The following SYT2 variants were observed in gnomAD, a reference collection of about 807,000 sequenced individuals.
SYT2 encodes synaptotagmin 2.
Under a neutral mutation model 39.9 loss-of-function variants are expected in SYT2, and 15 were observed. The observed-to-expected ratio is 0.38, with a 90% CI of 0.25 to 0.58. SYT2 has a LOEUF of 0.58. Among genes scored for constraint, SYT2 ranks in the 20% least tolerant of loss-of-function variants. SYT2 has a pLI of 0.70. For synonymous variants in SYT2, 181 were observed against 204.5 expected (o/e 0.89, Z 0.98); for missense variants, 389 against 530.3 (o/e 0.73, Z 2.62).
intron 1 of SYT2, among the ~76,000 whole-genome samples, chr1:202,665,269 G>C (rs1692460188): frequency 6.6e-6 from 1 of 152,074 alleles, no homozygotes; most frequent in Non-Finnish European, 1.5e-5. Context: ...CAGAGTCAAA[G>C]GTACTTAGGT....
intron 8 of SYT2, among the ~76,000 whole-genome samples, chr1:202,597,643 G>A (rs976881001): frequency 2.0e-5 from 3 of 152,168 alleles, no homozygotes; most frequent in African/African-American, 2.4e-5. Flanking sequence ...AGCAGTAGGG[G>A]ACTCCTGACG....
intron 1 of SYT2, among the ~76,000 whole-genome samples, chr1:202,639,162 G>C (rs1446265113): frequency 6.6e-6 from 1 of 152,076 alleles, no homozygotes; most frequent in Non-Finnish European, 1.5e-5. Flanking sequence ...TCTGATACCG[G>C]GTCACCTTAT....
At chr1:202,709,189 T>C (rs1050757307) in intron 1 of SYT2, among the ~76,000 whole-genome samples, 1 of 152,170 alleles carries the variant, frequency 6.6e-6, no homozygotes, top group African/African-American at 2.4e-5. Flanking sequence ...CCCACTGCAG[T>C]GGCCCCTCCT....
At chr1:202,600,729 G>A (rs566653846) in intron 6 of SYT2, among the ~76,000 whole-genome samples, 1 of 152,220 alleles carries the variant, frequency 6.6e-6, no homozygotes, top group South Asian at 2.1e-4. Context: ...GACAGATGAG[G>A]GGGGTAGAGG....
chr1:202,677,345 A>G (rs1316842546), intron 1 of SYT2, among the ~76,000 whole-genome samples: 1 of 152,212 alleles, frequency 6.6e-6, no homozygotes, highest in Admixed American at 6.5e-5. Context: ...TGACCAGTAA[A>G]TTATGGCAGA....
At chr1:202,649,367 G>C (rs1692150280) in intron 1 of SYT2, among the ~76,000 whole-genome samples, 1 of 152,228 alleles carries the variant, frequency 6.6e-6, no homozygotes, top group Non-Finnish European at 1.5e-5. Flanking sequence ...GTATTGAGAT[G>C]ATGATATTGA....
intron 1 of SYT2, among the ~76,000 whole-genome samples, chr1:202,641,247 G>T (rs562514402): frequency 6.6e-6 from 1 of 152,082 alleles, no homozygotes; most frequent in South Asian, 2.1e-4. Flanking sequence ...AATTTGTCTC[G>T]ACTCTGGTGA....
Position 202,614,460 on chromosome 1 carries a change from A to ACATT in SYT2, c.-17-8675_-17-8672dup, listed in dbSNP as rs758519228. Among the ~76,000 whole-genome samples the ACATT allele has an allele frequency of 2.4e-4, 36 of 152,358 alleles. No homozygotes were observed. Among genetic ancestry groups the ACATT allele is most frequent in the African/African-American group, 5.8e-4 (24 of 41,590 alleles). ...AGTAGAGAGAACAGATGTGAGAGAC[A>ACATT]CATTCATTCATTCACTCACTCACTC... On this transcript the variant is annotated intron_variant, in intron 1 of 8. Transcript: ENST00000367268. The surrounding 1 kb of genome is among the most constrained non-coding windows in gnomAD (Gnocchi z 4.0).
chr1:202,627,545 A>C (rs1234029095), intron 1 of SYT2: 2 of 985,150 alleles, frequency 2.0e-6, no homozygotes, highest in Non-Finnish European at 2.4e-6. Flanking sequence ...GCAGTGCTCC[A>C]CTATAGGTAG....
intron 1 of SYT2, among the ~76,000 whole-genome samples, chr1:202,682,293 C>T (rs948820815): frequency 6.6e-6 from 1 of 152,208 alleles, no homozygotes; most frequent in African/African-American, 2.4e-5. Flanking sequence ...CTTCTGACTG[C>T]CCCTCCCCTG....
chr1:202,631,532 C>A (rs749065224), intron 1 of SYT2, among the ~76,000 whole-genome samples: 2 of 152,186 alleles, frequency 1.3e-5, no homozygotes, highest in African/African-American at 2.4e-5. Context: ...AATCACACCA[C>A]ATCTTTGTGG....
At chr1:202,608,970 G>A (rs1157210206) in intron 1 of SYT2, among the ~76,000 whole-genome samples, 2 of 151,440 alleles carry the variant, frequency 1.3e-5, no homozygotes. Flanking sequence ...TTGGTGTGCT[G>A]CACCCATTAA....
intron 1 of SYT2, among the ~76,000 whole-genome samples, chr1:202,691,703 G>T (rs1653823870): frequency 1.8e-5 from 1 of 56,934 alleles, no homozygotes; most frequent in Non-Finnish European, 4.5e-5. Context: ...GAGAGGGAGA[G>T]GGAGAGGGAG....
At chr1:202,702,886 C>T (rs1274624573) in intron 1 of SYT2, among the ~76,000 whole-genome samples, 2 of 152,214 alleles carry the variant, frequency 1.3e-5, no homozygotes, top group Admixed American at 1.3e-4. Context: ...CTCTACCACC[C>T]TCAGCCCAAG....
intron 1 of SYT2, among the ~76,000 whole-genome samples, chr1:202,612,447 A>C (rs1165033930): frequency 6.6e-6 from 1 of 152,186 alleles, no homozygotes; most frequent in East Asian, 1.9e-4. Flanking sequence ...GGCTCACTGC[A>C]GCCTTGACCT....
intron 1 of SYT2, among the ~76,000 whole-genome samples, chr1:202,642,973 G>A (rs543362034): frequency 6.6e-6 from 1 of 152,258 alleles, no homozygotes; most frequent in African/African-American, 2.4e-5. Context: ...GGCTCTCCGC[G>A]GGGAGAGATA....
Position 202,596,374 on chromosome 1 carries a change from C to T in SYT2, c.*383G>A. 1 of 194,422 alleles carries T rather than the reference C, an allele frequency of 5.1e-6. No homozygotes were observed. Among genetic ancestry groups the T allele is most frequent in the South Asian group, 1.0e-4 (1 of 9,932 alleles). The allele number at this position is 194,422 out of a possible 1,614,324, so 12.0% of individuals were successfully genotyped here. ...CTGTGATGCCTTCCCTGTCAGGAAG[C>T]AGGATGTGCTGCCATTTTGTTGGTC... On this transcript the variant is annotated 3_prime_UTR_variant, in exon 9 of 9. Transcript: ENST00000367268.
At chr1:202,611,429 G>A (rs1690881295) in intron 1 of SYT2, among the ~76,000 whole-genome samples, 1 of 152,098 alleles carries the variant, frequency 6.6e-6, no homozygotes, top group Non-Finnish European at 1.5e-5. Flanking sequence ...TCAGCTCACT[G>A]CCACCTCCAC....
intron 1 of SYT2, among the ~76,000 whole-genome samples, chr1:202,708,353 A>G (rs558819966): frequency 8.5e-4 from 130 of 152,100 alleles, no homozygotes; most frequent in African/African-American, 3.0e-3. Context: ...GGTCTATGTG[A>G]GGCTATAACC....
Sources: allele counts gnomAD v4.1 joint callset (sites outside exome capture counted in the v4.1 genomes callset), GRCh38; gene constraint gnomAD v4.1.1; non-coding constraint Gnocchi (gnomAD v3.1); transcripts MANE v1.5; gene names NCBI Gene and HGNC (gene_info 2026-07-23, HGNC 2026-07-21).